The following GRM1 variants were observed in gnomAD, a reference collection of about 807,000 sequenced individuals.
The protein encoded by GRM1 is glutamate metabotropic receptor 1, also known as metabotropic glutamate receptor 1.
A neutral mutation model predicts 90.9 loss-of-function variants in GRM1; 33 were observed. The observed-to-expected ratio is 0.36, with a 90% CI of 0.28 to 0.49. GRM1 has a LOEUF of 0.49. Ranked by LOEUF, GRM1 falls within the 20% of genes least tolerant of loss-of-function variation. The probability of loss-of-function intolerance (pLI) is 0.99; values close to 1 mark genes in which losing one functional copy is unlikely to be tolerated. For synonymous variants in GRM1, 700 were observed against 613.2 expected (o/e 1.14, Z -2.09); for missense variants, 1,190 against 1,534.3 (o/e 0.78, Z 3.75).
At chr6:146,184,450 A>G (rs1023282673) in intron 2 of GRM1, among the ~76,000 whole-genome samples, 9 of 151,998 alleles carry the variant, frequency 5.9e-5, no homozygotes, top group Admixed American at 2.0e-4. Context: ...TTAATTAACT[A>G]TCTGTGGATT....
intron 2 of GRM1, among the ~76,000 whole-genome samples, chr6:146,228,644 C>T (rs1201761994): frequency 6.6e-6 from 1 of 152,136 alleles, no homozygotes; most frequent in African/African-American, 2.4e-5. Flanking sequence ...TCTCCTTCAA[C>T]TGACAATGTA....
chr6:146,172,140 A>G (rs1486377793), intron 2 of GRM1, among the ~76,000 whole-genome samples: 2 of 152,134 alleles, frequency 1.3e-5, no homozygotes, highest in African/African-American at 4.8e-5. Flanking sequence ...GTTTGAAATG[A>G]GTGTCACTGG....
At chr6:146,127,807 C>T (rs1776251844) in intron 1 of GRM1, among the ~76,000 whole-genome samples, 1 of 152,106 alleles carries the variant, frequency 6.6e-6, no homozygotes, top group South Asian at 2.1e-4. Flanking sequence ...TGATATGTAA[C>T]AAATCACTCC....
rs1783439076 is a variant in GRM1, at chr6:146,302,851, G to T, written c.951-1760G>T. Among the ~76,000 whole-genome samples the T allele has an allele frequency of 2.7e-5, 4 of 150,436 alleles. No homozygotes were observed. In the Admixed American group the frequency reaches 2.7e-4, roughly 10 times the overall value. ...CAGAAGTAGCAAAGAAAAGAAGAAAGAAAAAAGAAAGAAGGAAGAAGGAAA... is the reference window on the plus strand; with the variant it reads ...CAGAAGTAGCAAAGAAAAGAAGAAATAAAAAAGAAAGAAGGAAGAAGGAAA... On this transcript the variant is annotated intron_variant, in intron 2 of 7. Coordinates refer to ENST00000282753, the MANE Select transcript of GRM1 (RefSeq NM_001278064.2).
At chr6:146,118,068 G>A (rs1363182092) in intron 1 of GRM1, among the ~76,000 whole-genome samples, 2 of 150,828 alleles carry the variant, frequency 1.3e-5, no homozygotes, top group African/African-American at 4.9e-5. Flanking sequence ...TGCATGAGTA[G>A]CAAACTTTGT....
chr6:146,072,661 G>A (rs1259011595), intron 1 of GRM1, among the ~76,000 whole-genome samples: 3 of 152,104 alleles, frequency 2.0e-5, no homozygotes, highest in Admixed American at 6.6e-5. Flanking sequence ...AATATACGTT[G>A]AAATATGGGG....
In GRM1 at chr6:146,042,253, C is replaced by G. The variant is rs549045148; in HGVS notation, c.700+12036C>G. 5.3e-5 allele frequency among the ~76,000 whole-genome samples: 8 copies of G among 152,052 alleles called. No homozygotes were observed. In the East Asian group the frequency reaches 1.6e-3, roughly 30 times the overall value. ...TAGCTCTGTCTTTCCAGTAGTGTGT[C>G]AGTTTATAAATCAATTGGAAGGGCA... On this transcript the variant is annotated intron_variant, in intron 1 of 7. Coordinates refer to ENST00000282753, the MANE Select transcript of GRM1 (RefSeq NM_001278064.2).
intron 1 of GRM1, among the ~76,000 whole-genome samples, chr6:146,037,348 T>C (rs1315634300): frequency 6.6e-6 from 1 of 151,976 alleles, no homozygotes; most frequent in Non-Finnish European, 1.5e-5. Context: ...TAGGAAACTT[T>C]CTTGTTACAA....
At chr6:146,276,607 A>G (rs1782371044) in intron 2 of GRM1, among the ~76,000 whole-genome samples, 1 of 152,176 alleles carries the variant, frequency 6.6e-6, no homozygotes, top group African/African-American at 2.4e-5. Context: ...ATTAACAGGC[A>G]AAAGATGAAA....
chr6:146,331,236 G>A (rs1303778333), intron 3 of GRM1, among the ~76,000 whole-genome samples: 3 of 152,194 alleles, frequency 2.0e-5, no homozygotes, highest in Non-Finnish European at 4.4e-5. Context: ...ATACTGGGCT[G>A]TTTGGTGGAA....
intron 1 of GRM1, among the ~76,000 whole-genome samples, chr6:146,090,653 A>T (rs1776685754): frequency 6.6e-6 from 1 of 152,056 alleles, no homozygotes; most frequent in Non-Finnish European, 1.5e-5. Flanking sequence ...GCCACAGAAA[A>T]CCACACAGAC....
In GRM1 at chr6:146,399,028, G is replaced by T. The variant is rs1390932818; in HGVS notation, c.1989G>T (p.Leu663Phe). The T allele has an allele frequency of 6.2e-7, 1 of 1,614,004 alleles. No homozygotes were observed. Among genetic ancestry groups the T allele is most frequent in the Non-Finnish European group, 8.5e-7 (1 of 1,179,982 alleles). Residue 663 changes from leucine (L) to phenylalanine (F), a missense_variant, in exon 7 of 8, where the codon TTG (leucine) becomes TTT (phenylalanine). Physicochemically the swap from Leu to Phe is conservative, Grantham distance 22 (BLOSUM62 0). This residue lies in a region of GRM1 where 414 missense variants were observed against 598.4 expected (regional missense o/e 0.69). Coordinates refer to ENST00000282753, the MANE Select transcript of GRM1 (RefSeq NM_001278064.2). The surrounding 1 kb of genome is among the most constrained non-coding windows in gnomAD (Gnocchi z 5.4). ...CCTCCTGCTACCTCCAGCGCCTCTT[G>T]GTTGGCCTCTCCTCTGCGATGTGCT... ...TTTSCYLQRLLVGLSSAMCYS... is the reference protein window; with the variant it reads ...TTTSCYLQRLFVGLSSAMCYS...
At position 146,269,807 on chromosome 6, in the gene GRM1, C is replaced by T. The variant is rs147637203; in HGVS notation, c.951-34804C>T. On this transcript the variant is annotated intron_variant, in intron 2 of 7. Transcript: ENST00000282753. The stretch of plus-strand genomic sequence containing the variant: ...CATGGAAAAATTGTCTTCCATGAAA[C>T]TGGTCCCTGGTGCCAAAAGTTTGAG... Among the ~76,000 whole-genome samples, 339 of 140,242 alleles carry T rather than the reference C, an allele frequency of 2.4e-3. 1 individual carries two copies. Among genetic ancestry groups the T allele is most frequent in the African/African-American group, 0.011 (323 of 30,246 alleles). The allele number at this position is 140,242 out of a possible 152,430, so 92.0% of individuals were successfully genotyped here. A position where few individuals can be genotyped will look rare whatever the true frequency, so the allele number is the denominator to read the frequency against.
intron 2 of GRM1, among the ~76,000 whole-genome samples, chr6:146,281,743 A>G (rs1035367652): frequency 1.3e-5 from 2 of 152,198 alleles, no homozygotes; most frequent in Non-Finnish European, 2.9e-5. Context: ...ATTCTTTTCA[A>G]ATTGTGGTGT....
At chr6:146,136,492 T>C (rs1462174624) in intron 1 of GRM1, among the ~76,000 whole-genome samples, 2 of 152,224 alleles carry the variant, frequency 1.3e-5, no homozygotes, top group Non-Finnish European at 2.9e-5. Context: ...TGAGATCTCT[T>C]TGTAGTTTTG....
At position 146,175,903 on chromosome 6, in the gene GRM1, G is replaced by A. The variant is rs560943108; in HGVS notation, c.950+16306G>A. ...AATAATACTCGGGTTGTCTAAACCT[G>A]TATGTTATAATAGGCCATTGTGGTT... On this transcript the variant is annotated intron_variant, in intron 2 of 7. Transcript: ENST00000282753. Among the ~76,000 whole-genome samples, 4 of 152,224 alleles carry A rather than the reference G, an allele frequency of 2.6e-5. No homozygotes were observed. In the East Asian group the frequency reaches 7.7e-4, roughly 29 times the overall value.
intron 2 of GRM1, among the ~76,000 whole-genome samples, chr6:146,179,200 T>C (rs926692565): frequency 2.0e-5 from 3 of 152,200 alleles, no homozygotes; most frequent in African/African-American, 7.2e-5. Context: ...GGACTAACAC[T>C]GACTAGTGCA....
At chr6:146,030,522 C>T (rs548097780) in intron 1 of GRM1, among the ~76,000 whole-genome samples, 3 of 152,280 alleles carry the variant, frequency 2.0e-5, no homozygotes, top group South Asian at 2.1e-4. Context: ...TTTGAGTTTG[C>T]GTTTGGAAGG....
chr6:146,067,003 CT>C (rs1341720291), intron 1 of GRM1, among the ~76,000 whole-genome samples: 2 of 152,066 alleles, frequency 1.3e-5, no homozygotes, highest in Non-Finnish European at 2.9e-5. Context: ...TTATTTTTGT[CT>C]TCACATTTAA....
Sources: gnomAD v4.1 joint callset for allele counts (sites outside exome capture counted in the v4.1 genomes callset) on GRCh38, gnomAD v4.1.1 for gene constraint, gnomAD v4.1.1 regional missense constraint, Gnocchi (gnomAD v3.1) non-coding constraint, MANE v1.5 for transcripts, NCBI Gene and HGNC (gene_info 2026-07-23, HGNC 2026-07-21) for gene names.